Variants in ARHGAP21 observed in about 807,000 individuals in gnomAD.
ARHGAP21 encodes rho GTPase-activating protein 21.
Under a neutral mutation model 164.6 loss-of-function variants are expected in ARHGAP21, and 38 were observed. The observed-to-expected ratio is 0.23, with a 90% CI of 0.18 to 0.30. The LOEUF is 0.30. ARHGAP21 is among the 10% of genes least tolerant of loss of function. The pLI is 1.00. For synonymous variants in ARHGAP21, 766 were observed against 857.9 expected, an observed-to-expected ratio of 0.89 and a Z score of 1.87; for missense variants, 1,822 against 2,370.7, an observed-to-expected ratio of 0.77 and a Z score of 4.81.
intron 4 of ARHGAP21, among the ~76,000 whole-genome samples, chr10:24,636,512 T>C: frequency 6.6e-6 from 1 of 152,166 alleles, no homozygotes; most frequent in East Asian, 1.9e-4. Flanking sequence ...ATGTGTTGAG[T>C]AACATGATAC....
intron 4 of ARHGAP21, among the ~76,000 whole-genome samples, chr10:24,664,115 CTT>C (rs750307694): frequency 6.6e-6 from 1 of 152,190 alleles, no homozygotes; most frequent in Non-Finnish European, 1.5e-5. Context: ...CTATATCGCT[CTT>C]TGTTTTCCAA....
At chr10:24,684,977 G>C (rs1006210291) in intron 2 of ARHGAP21, among the ~76,000 whole-genome samples, 2 of 152,096 alleles carry the variant, frequency 1.3e-5, no homozygotes, top group African/African-American at 2.4e-5. Flanking sequence ...TATTCGGACT[G>C]CTATAATCAT....
In ARHGAP21 at chr10:24,621,173, C is replaced by G. The variant is rs199706052; in HGVS notation, c.722G>C (p.Gly241Ala). 1.7e-5 allele frequency: 28 copies of G among 1,613,734 alleles called. No homozygotes were observed. The highest frequency in any genetic ancestry group is 2.2e-5 in the Non-Finnish European group (26 of 1,179,854). The change falls in exon 9 of 26, where the codon GGT (glycine) becomes GCT (alanine). Residue 241 changes from glycine to alanine, a missense_variant. By Grantham distance (60) the Gly-to-Ala change is moderately conservative. Around this residue, in one of 5 missense-constraint regions of ARHGAP21, gnomAD observed 1,090 missense variants for 1,378.9 expected, o/e 0.79. Transcript: ENST00000396432. ...QTSTPVLTQP[G>A]RAYRMEIQVP... The stretch of plus-strand genomic sequence containing the variant: ...TTGTATTTCCATTCTATAGGCCCTA[C>G]CAGGTTGTGTCAGTACTGGTGTACT...
At chr10:24,692,441 G>A (rs541404143) in intron 2 of ARHGAP21, among the ~76,000 whole-genome samples, 82 of 152,262 alleles carry the variant, frequency 5.4e-4, no homozygotes, top group African/African-American at 1.9e-3. Context: ...TTCACAAGAA[G>A]AAACCATTTC....
In ARHGAP21 at chr10:24,583,696, T is replaced by G. The variant is rs1398242549; in HGVS notation, c.*716A>C. On this transcript the variant is annotated 3_prime_UTR_variant, in exon 26 of 26. Transcript: ENST00000396432. ...CAGGTTTGGATTCATTAAGTCCTCA[T>G]GCAGAATTATATTCTTCTCGATAAA... The G allele has an allele frequency of 1.3e-5, 2 of 152,650 alleles. No homozygotes were observed. The highest frequency in any genetic ancestry group is 2.4e-5 in the African/African-American group (1 of 41,464). The allele number at this position is 152,650 out of a possible 1,614,324, so 9.5% of individuals were successfully genotyped here. A position where few individuals can be genotyped will look rare whatever the true frequency, so the allele number is the denominator to read the frequency against.
chr10:24,701,972 G>T (rs1843709493), intron 2 of ARHGAP21, among the ~76,000 whole-genome samples: 1 of 152,042 alleles, frequency 6.6e-6, no homozygotes, highest in African/African-American at 2.4e-5. Flanking sequence ...CAAGAACTGG[G>T]ATTATGTGAT....
chr10:24,653,094 T>TA (rs1269982068), intron 4 of ARHGAP21, among the ~76,000 whole-genome samples: 9 of 152,286 alleles, frequency 5.9e-5, no homozygotes, highest in African/African-American at 2.2e-4. Context: ...ATACATAAGA[T>TA]AAAAAATACC....
intron 4 of ARHGAP21, among the ~76,000 whole-genome samples, chr10:24,637,873 T>C (rs1238380492): frequency 2.6e-5 from 4 of 151,982 alleles, no homozygotes; most frequent in Non-Finnish European, 5.9e-5. Context: ...CACATTTTTT[T>C]TTTTTTTTTG....
chr10:24,701,433 C>A (rs1843662411), intron 2 of ARHGAP21, among the ~76,000 whole-genome samples: 1 of 152,092 alleles, frequency 6.6e-6, no homozygotes, highest in African/African-American at 2.4e-5. Context: ...AAAAAAAGTG[C>A]CTTCTTTAAT....
rs1261793856 is a variant in ARHGAP21 at position 24,658,614 on chromosome 10, T to C, written c.268+8371A>G. On this transcript the variant is annotated intron_variant, in intron 4 of 25. Transcript: ENST00000396432. ...AACACTGCATGTTCTCACTCATAGGTGGGAATTGAACAATGAGAACACCTG... is the reference window on the plus strand; with the variant it reads ...AACACTGCATGTTCTCACTCATAGGCGGGAATTGAACAATGAGAACACCTG... 2.0e-5 allele frequency among the ~76,000 whole-genome samples: 3 copies of C among 151,744 alleles called. No homozygotes were observed. The East Asian group carries it at 5.8e-4, about 29-fold the overall frequency.
At chr10:24,601,388 T>C (rs2076807153) in intron 13 of ARHGAP21, among the ~76,000 whole-genome samples, 1 of 152,222 alleles carries the variant, frequency 6.6e-6, no homozygotes, top group African/African-American at 2.4e-5. Context: ...AGCAACTCTA[T>C]CCACATCCAA....
intron 2 of ARHGAP21, among the ~76,000 whole-genome samples, chr10:24,671,687 A>G (rs1368340450): frequency 6.6e-6 from 1 of 151,638 alleles, no homozygotes; most frequent in Non-Finnish European, 1.5e-5. Context: ...TCCTATCTGC[A>G]TACACATATT....
intron 4 of ARHGAP21, among the ~76,000 whole-genome samples, chr10:24,650,592 TAAGA>T (rs1044995701): frequency 6.6e-5 from 10 of 152,106 alleles, no homozygotes; most frequent in African/African-American, 2.4e-4. Context: ...GAGAAAAATA[TAAGA>T]ATGAACCAAG....
chr10:24,629,545 T>C (rs1835643961), intron 7 of ARHGAP21: 1 of 160,992 alleles, frequency 6.2e-6, no homozygotes, highest in African/African-American at 2.4e-5. Flanking sequence ...ACGTAATATT[T>C]ATTGGAAAAT....
At chr10:24,699,151 TC>T (rs1843424933) in intron 2 of ARHGAP21, among the ~76,000 whole-genome samples, 1 of 152,126 alleles carries the variant, frequency 6.6e-6, no homozygotes, top group Non-Finnish European at 1.5e-5. Flanking sequence ...CATCTTTTCG[TC>T]CCCTTTCTGG....
At chr10:24,593,994 AATCC>A (rs1338828354) in intron 21 of ARHGAP21, among the ~76,000 whole-genome samples, 1 of 152,116 alleles carries the variant, frequency 6.6e-6, no homozygotes, top group Non-Finnish European at 1.5e-5. Context: ...TCTCATAATC[AATCC>A]TTACAACTTC....
chr10:24,710,326 G>A (rs1844658198), intron 2 of ARHGAP21, among the ~76,000 whole-genome samples: 1 of 152,128 alleles, frequency 6.6e-6, no homozygotes, highest in Admixed American at 6.5e-5. Context: ...AGAATCTAAA[G>A]TTGTTCCCTG....
chr10:24,620,326 T>C lies in ARHGAP21; in HGVS notation c.1569A>G (p.Lys523=), dbSNP rs752769584. Reference sequence around the variant, plus strand: ...TAAACCCACTCCACTTGTAAGTCTGTTTTTTCTCTCCATTGGAATCAGGTA... The same window carrying C: ...TAAACCCACTCCACTTGTAAGTCTGCTTTTTCTCTCCATTGGAATCAGGTA... The part of the protein sequence containing the change: ...TPIPDSNGEK[K]QTYKWSGFTE... Residue 523 remains lysine, a synonymous_variant, in exon 9 of 26, where the codon AAA becomes AAG. Coordinates refer to ENST00000396432, the MANE Select transcript of ARHGAP21 (RefSeq NM_020824.4). The C allele has an allele frequency of 1.2e-6, 2 of 1,613,954 alleles. No homozygotes were observed. Among genetic ancestry groups the C allele is most frequent in the Admixed American group, 3.3e-5 (2 of 60,016 alleles).
intron 16 of ARHGAP21, 32 bp downstream of exon 16, chr10:24,597,415 A>C (rs753388028): frequency 1.3e-6 from 2 of 1,599,508 alleles, no homozygotes; most frequent in East Asian, 2.2e-5. Flanking sequence ...TTAAATCATT[A>C]TATTTATTTG....
Sources: allele counts gnomAD v4.1 joint callset (sites outside exome capture counted in the v4.1 genomes callset), GRCh38; gene constraint gnomAD v4.1.1; regional missense constraint gnomAD v4.1.1; transcripts MANE v1.5; gene names NCBI Gene and HGNC (gene_info 2026-07-23, HGNC 2026-07-21).